Variants in PDE4D observed in about 807,000 individuals in gnomAD.
PDE4D encodes phosphodiesterase 4D, also known as 3',5'-cyclic-AMP phosphodiesterase 4D.
In PDE4D, 24 loss-of-function variants were observed where a neutral mutation model predicts 87.4. The observed-to-expected ratio is 0.27, with a 90% CI of 0.20 to 0.39. The LOEUF is 0.39. PDE4D is among the 10% of genes least tolerant of loss of function. The pLI, the probability that PDE4D is intolerant of heterozygous loss-of-function variation, is 1.00. For missense variants in PDE4D, 714 were observed against 1,041.0 expected, an observed-to-expected ratio of 0.69 and a Z score of 4.32; for synonymous variants, 384 against 383.2, an observed-to-expected ratio of 1.00 and a Z score of -0.02.
Position 58,976,425 on chromosome 5 carries a change from C to T in PDE4D, c.1755G>A (p.Leu585=). The change falls in exon 13 of 15, where the codon TTG becomes TTA. Residue 585 remains leucine (L), a synonymous_variant. Transcript: ENST00000340635. ...MSKHMNLLAD[L]KTMVETKKVT... ...CTTTCTTAGTTTCAACCATAGTCTT[C>T]AAATCAGCCAGTAGATTCATGTGTT... 1 of 1,598,562 alleles carries T rather than the reference C, an allele frequency of 6.3e-7. No homozygotes were observed. Among genetic ancestry groups the T allele is most frequent in the African/African-American group, 1.3e-5 (1 of 74,834 alleles).
chr5:60,015,712 T>C (rs1765439242), intron 2 of PDE4D, among the ~76,000 whole-genome samples: 2 of 152,116 alleles, frequency 1.3e-5, no homozygotes, highest in Non-Finnish European at 2.9e-5. Flanking sequence ...ACTCAAAGAA[T>C]TGAAGGCCTT....
At chr5:59,181,572 T>TATATA (rs1561646442) in intron 4 of PDE4D, among the ~76,000 whole-genome samples, 25 of 109,922 alleles carry the variant, frequency 2.3e-4, no homozygotes, top group Non-Finnish European at 1.7e-5. Context: ...ATATATATAT[T>TATATA]AGGTATATAA....
intron 1 of PDE4D, among the ~76,000 whole-genome samples, chr5:60,352,817 T>A (rs1759313431): frequency 6.6e-6 from 1 of 152,204 alleles, no homozygotes; most frequent in Non-Finnish European, 1.5e-5. Context: ...CGTGTAAATA[T>A]TCTGTGATGG....
At chr5:60,515,430 C>CA (rs1307481619) in intron 1 of PDE4D, among the ~76,000 whole-genome samples, 1 of 151,894 alleles carries the variant, frequency 6.6e-6, no homozygotes, top group Non-Finnish European at 1.5e-5. Context: ...TACTGTCTTT[C>CA]AAAAATGGTT....
chr5:59,389,675 T>C (rs1787848232), intron 1 of PDE4D, among the ~76,000 whole-genome samples: 1 of 152,122 alleles, frequency 6.6e-6, no homozygotes, highest in Non-Finnish European at 1.5e-5. Context: ...CTATTCACAA[T>C]AGCCAAGATA....
intron 1 of PDE4D, among the ~76,000 whole-genome samples, chr5:59,248,589 A>C (rs1209096299): frequency 6.6e-6 from 1 of 152,204 alleles, no homozygotes; most frequent in Non-Finnish European, 1.5e-5. Flanking sequence ...AAGGTTTAGA[A>C]GGCAAATAGA....
intron 1 of PDE4D, among the ~76,000 whole-genome samples, chr5:59,846,373 T>C (rs1743846767): frequency 6.6e-6 from 1 of 152,050 alleles, no homozygotes; most frequent in East Asian, 1.9e-4. Context: ...GGAGAAGAAT[T>C]CAATAATTCT....
intron 1 of PDE4D, among the ~76,000 whole-genome samples, chr5:60,215,631 G>A (rs770231010): frequency 5.3e-5 from 8 of 152,016 alleles, no homozygotes; most frequent in South Asian, 4.1e-4. Flanking sequence ...GTTTAGGGAC[G>A]TATCTTTTAT....
intron 1 of PDE4D, among the ~76,000 whole-genome samples, chr5:60,194,559 G>A (rs1740983251): frequency 6.6e-6 from 1 of 151,626 alleles, no homozygotes. Flanking sequence ...GAACTTTGAG[G>A]ACAGGTACTC....
At chr5:59,681,882 C>G (rs1040287076) in intron 1 of PDE4D, among the ~76,000 whole-genome samples, 3 of 125,108 alleles carry the variant, frequency 2.4e-5, no homozygotes, top group African/African-American at 9.2e-5. Flanking sequence ...GCCTGGGTGA[C>G]AGAGCGAGAC....
At chr5:59,668,221 A>G (rs1405849264) in intron 1 of PDE4D, among the ~76,000 whole-genome samples, 1 of 152,236 alleles carries the variant, frequency 6.6e-6, no homozygotes. Flanking sequence ...CTATCATAGA[A>G]TAATTAAAAT....
At chr5:59,308,975 G>A (rs1046452919) in intron 1 of PDE4D, among the ~76,000 whole-genome samples, 3 of 152,096 alleles carry the variant, frequency 2.0e-5, no homozygotes, top group Admixed American at 2.0e-4. Context: ...TGTGCACCTA[G>A]GAGGATTATG....
chr5:58,986,116 AAGG>A (rs1253464409), intron 11 of PDE4D, among the ~76,000 whole-genome samples: 2 of 152,230 alleles, frequency 1.3e-5, no homozygotes, highest in African/African-American at 4.8e-5. Context: ...GTCACACAGA[AAGG>A]AGATCATTGC....
chr5:59,235,157 C>T (rs1055622334), intron 1 of PDE4D, among the ~76,000 whole-genome samples: 5 of 152,096 alleles, frequency 3.3e-5, no homozygotes, highest in Non-Finnish European at 7.4e-5. Context: ...GCCACTAATC[C>T]CACGAAAGTA....
intron 1 of PDE4D, among the ~76,000 whole-genome samples, chr5:59,827,497 A>G (rs1770463606): frequency 6.6e-6 from 1 of 152,186 alleles, no homozygotes; most frequent in Admixed American, 6.5e-5. Flanking sequence ...TCAACTGCAC[A>G]TCTTGCTGAT....
intron 1 of PDE4D, among the ~76,000 whole-genome samples, chr5:59,273,259 C>T (rs536553434): frequency 6.6e-6 from 1 of 151,880 alleles, no homozygotes; most frequent in South Asian, 2.1e-4. Flanking sequence ...CAATTTGAGG[C>T]CTGTGGCCTT....
At chr5:59,094,647 G>A (rs1440621533) in intron 5 of PDE4D, among the ~76,000 whole-genome samples, 1 of 152,086 alleles carries the variant, frequency 6.6e-6, no homozygotes, top group African/African-American at 2.4e-5. Flanking sequence ...CACAGAAAAA[G>A]ATCAGGATTT....
intron 10 of PDE4D, among the ~76,000 whole-genome samples, chr5:58,989,440 C>T (rs573610658): frequency 1.7e-4 from 25 of 151,434 alleles, no homozygotes; most frequent in African/African-American, 3.4e-4. Context: ...AAATAAAAGC[C>T]GTCAGACTAG....
At chr5:59,142,396 T>G (rs1421525624) in intron 5 of PDE4D, among the ~76,000 whole-genome samples, 2 of 152,228 alleles carry the variant, frequency 1.3e-5, no homozygotes, top group Non-Finnish European at 2.9e-5. Flanking sequence ...ATTAGATCAC[T>G]TAGGTTTACA....
Sources: allele counts gnomAD v4.1 joint callset (sites outside exome capture counted in the v4.1 genomes callset), GRCh38; gene constraint gnomAD v4.1.1; transcripts MANE v1.5; gene names NCBI Gene and HGNC (gene_info 2026-07-23, HGNC 2026-07-21).